The following SLC25A29 variants were observed in gnomAD, a reference collection of about 807,000 sequenced individuals.
The protein encoded by SLC25A29 is mitochondrial basic amino acids transporter.
SLC25A29 carries 13 observed loss-of-function variants against 10.0 expected under a neutral mutation model. The observed-to-expected ratio is 1.30, with a 90% confidence interval of 0.85 to 2.07. The LOEUF is 2.07. Among genes scored for constraint, SLC25A29 ranks in the 30% most tolerant of loss-of-function variants. The pLI is 0.00. For synonymous variants in SLC25A29, 244 were observed against 221.1 expected (o/e 1.10, Z -0.92); for missense variants, 475 against 447.6 (o/e 1.06, Z -0.55).
At chr14:100,299,954 C>G (rs2139761420) in intron 1 of SLC25A29, 3 of 985,414 alleles carry the variant, frequency 3.0e-6, no homozygotes, top group South Asian at 9.4e-5. Flanking sequence ...GTATCTTTAC[C>G]TAACATCCTA....
In SLC25A29 at chr14:100,295,447, A is replaced by G. The variant is rs1892073325; in HGVS notation, c.79-2070T>C. 9 of 560,768 alleles carry G rather than the reference A, an allele frequency of 1.6e-5. No homozygotes were observed. In the East Asian group the frequency reaches 5.7e-4, roughly 35 times the overall value. The allele number at this position is 560,768 out of a possible 1,614,324, so 34.7% of individuals were successfully genotyped here. On this transcript the variant is annotated intron_variant, in intron 2 of 3. Transcript: ENST00000359232. ...AGAGACCCCCACATGAGGACCCCCA[A>G]TCCAGAGGGGGCTGATTTTTTTTGG...
intron 1 of SLC25A29, chr14:100,299,364 CACTCTGGGCCTT>C (rs1892389976): frequency 2.0e-6 from 2 of 1,009,460 alleles, no homozygotes; most frequent in Non-Finnish European, 1.2e-6. Flanking sequence ...CTCTGGGCCT[CACTCTGGGCCTT>C]ACCTGTAAAG....
intron 1 of SLC25A29, among the ~76,000 whole-genome samples, chr14:100,302,045 C>T (rs1013998130): frequency 7.0e-6 from 1 of 142,230 alleles, no homozygotes; most frequent in Admixed American, 7.0e-5. Context: ...TTCATTAGAG[C>T]CTTTCTTTTT....
chr14:100,285,399 G>GCGC, the SLC25A29 span, among the ~76,000 whole-genome samples: 9 of 151,792 alleles, frequency 5.9e-5, no homozygotes, highest in Non-Finnish European at 1.3e-4. Flanking sequence ...CCCGCAGGGT[G>GCGC]CGCCGCCGCC....
At chr14:100,294,866 G>A (rs1164076564) in intron 2 of SLC25A29, 2 of 152,238 alleles carry the variant, frequency 1.3e-5, no homozygotes, top group Non-Finnish European at 2.9e-5. Flanking sequence ...AATGCTTCAA[G>A]ATTGGCCCGA....
intron 1 of SLC25A29, among the ~76,000 whole-genome samples, chr14:100,301,144 C>T (rs571960689): frequency 6.6e-6 from 1 of 151,536 alleles, no homozygotes; most frequent in South Asian, 2.1e-4. Flanking sequence ...TGTGGCCCGC[C>T]CACTTTGGCC....
intron 1 of SLC25A29, among the ~76,000 whole-genome samples, chr14:100,300,761 C>G (rs1040096021): frequency 2.6e-5 from 4 of 152,174 alleles, no homozygotes; most frequent in Admixed American, 1.3e-4. Context: ...CTAACCCAGT[C>G]TAAAGCAGTC....
At chr14:100,304,525 GT>G (rs1892781695) in intron 1 of SLC25A29, among the ~76,000 whole-genome samples, 1 of 152,174 alleles carries the variant, frequency 6.6e-6, no homozygotes, top group Non-Finnish European at 1.5e-5. Flanking sequence ...CCTTAGCTGG[GT>G]GGCCATTATG....
intron 1 of SLC25A29, among the ~76,000 whole-genome samples, chr14:100,303,978 C>T (rs373531601): frequency 6.6e-6 from 1 of 152,188 alleles, no homozygotes; most frequent in African/African-American, 2.4e-5. Context: ...GTTGATCCCC[C>T]AGTAGGGGAG....
chr14:100,298,846 A>C lies in SLC25A29; in HGVS notation c.74T>G (p.Val25Gly). 1 of 1,614,190 alleles carries C rather than the reference A, an allele frequency of 6.2e-7. No individual in the cohort carries two copies. Residue 25 changes from valine to glycine, a missense_variant, in exon 2 of 4, where the codon GTC (valine) becomes GGC (glycine). By Grantham distance (109) the Val-to-Gly change is moderately radical. Coordinates refer to ENST00000359232, the MANE Select transcript of SLC25A29 (RefSeq NM_001039355.3). ...AAAAGCAGCGATGAGACTCACCTTG[A>C]CCGTGTCAAACGGGTGTCCCACAAG... ...GVLVGHPFDT[V>G]KVRLQVQSVE...
chr14:100,279,636 C>CGTGTAGT, the SLC25A29 span: 2 of 152,252 alleles, frequency 1.3e-5, no homozygotes, highest in African/African-American at 4.8e-5. Context: ...CGGATGAGAA[C>CGTGTAGT]GTGTAGTTCT....
intron 1 of SLC25A29, among the ~76,000 whole-genome samples, chr14:100,300,655 G>C (rs1194062593): frequency 6.6e-6 from 1 of 152,154 alleles, no homozygotes; most frequent in Non-Finnish European, 1.5e-5. Flanking sequence ...TGGGATTACA[G>C]ACATGAGCCA....
At chr14:100,302,274 G>C (rs1014527930) in intron 1 of SLC25A29, among the ~76,000 whole-genome samples, 2 of 151,302 alleles carry the variant, frequency 1.3e-5, no homozygotes, top group Non-Finnish European at 1.5e-5. Flanking sequence ...TTGAACTCCC[G>C]ACCTCAAGTG....
At position 100,292,984 on chromosome 14, in the gene SLC25A29, A is replaced by G. The variant is rs1891865511; in HGVS notation, c.211T>C (p.Phe71Leu). ...ACCCCGAACACCAGCGCGTTGATGA[A>G]GGTGAGCCCCATGAGCGGCGAGCCC... ...GLGSPLMGLT[F>L]INALVFGVQG... The change falls in exon 4 of 4, where the codon TTC becomes CTC. Residue 71 changes from phenylalanine to leucine, a missense_variant. By Grantham distance (22) the Phe-to-Leu change is conservative (BLOSUM62 0). Transcript: ENST00000359232. 6.3e-7 allele frequency: 1 copy of G among 1,593,624 alleles called. No individual in the cohort carries two copies. The highest frequency in any genetic ancestry group is 1.1e-5 in the South Asian group (1 of 88,454).
Position 100,292,270 on chromosome 14 carries a change from G to T in SLC25A29, c.*13C>A, listed in dbSNP as rs1192080940. On this transcript the variant is annotated 3_prime_UTR_variant, in exon 4 of 4. Transcript: ENST00000359232. ...CTGAGAAGGAGCCCTGGGGAAGGAGGGCGGGGTGAGCGTCACAGGCTGGAG... is the reference window on the plus strand; with the variant it reads ...CTGAGAAGGAGCCCTGGGGAAGGAGTGCGGGGTGAGCGTCACAGGCTGGAG... 1 of 1,533,880 alleles carries T rather than the reference G, an allele frequency of 6.5e-7. No homozygotes were observed. Among genetic ancestry groups the T allele is most frequent in the Non-Finnish European group, 8.8e-7 (1 of 1,141,380 alleles).
In SLC25A29 at chr14:100,292,029, C is replaced by T. The variant is rs560716610; in HGVS notation, c.*254G>A. The T allele has an allele frequency of 5.5e-5, 28 of 513,508 alleles. No individual in the cohort carries two copies. The East Asian group carries it at 5.9e-4, about 11-fold the overall frequency. 31.8% of individuals were successfully genotyped at this position (513,508 alleles called of 1,614,324 possible). A position where few individuals can be genotyped will look rare whatever the true frequency, so the allele number is the denominator to read the frequency against. Reference sequence around the variant, plus strand: ...TGGCCTCAGCCAGGCCAGGTGCTGGCTGCTGCTGGGAATAATCTCTGAGCT... The same window carrying T: ...TGGCCTCAGCCAGGCCAGGTGCTGGTTGCTGCTGGGAATAATCTCTGAGCT... On this transcript the variant is annotated 3_prime_UTR_variant, in exon 4 of 4. Coordinates refer to ENST00000359232, the MANE Select transcript of SLC25A29 (RefSeq NM_001039355.3).
intron 1 of SLC25A29, chr14:100,299,905 C>T (rs1892428588): frequency 1.8e-5 from 18 of 985,442 alleles, no homozygotes; most frequent in Non-Finnish European, 2.2e-5. Flanking sequence ...CCACTTGATG[C>T]CTGTGGAAGT....
intron 1 of SLC25A29, chr14:100,299,563 T>A (rs1892403868): frequency 2.0e-6 from 2 of 985,756 alleles, no homozygotes; most frequent in Non-Finnish European, 2.4e-6. Flanking sequence ...GTTCTTCAGG[T>A]CCTGCCAAAA....
At chr14:100,301,573 G>C (rs571520821) in intron 1 of SLC25A29, among the ~76,000 whole-genome samples, 1 of 151,900 alleles carries the variant, frequency 6.6e-6, no homozygotes. Context: ...GCAGTGGCAC[G>C]ATCTCGACTC....
Sources: gnomAD v4.1 joint callset for allele counts (sites outside exome capture counted in the v4.1 genomes callset) on GRCh38, gnomAD v4.1.1 for gene constraint, MANE v1.5 for transcripts, NCBI Gene and HGNC (gene_info 2026-07-23, HGNC 2026-07-21) for gene names.